CEACAM6: variants seen among roughly 807,000 people sequenced by gnomAD.
CEACAM6 encodes the protein CEA cell adhesion molecule 6, also known as cell adhesion molecule CEACAM6.
CEACAM6 carries 21 observed loss-of-function variants against 32.4 expected under a neutral mutation model. That is an observed-to-expected ratio of 0.65 (90% confidence interval 0.46 to 0.93). CEACAM6 has a LOEUF of 0.93. Among genes scored for constraint, CEACAM6 ranks in the 40% least tolerant of loss-of-function variants. CEACAM6 has a pLI of 0.00. For synonymous variants in CEACAM6, 184 were observed against 174.4 expected (o/e 1.06, Z -0.43); for missense variants, 406 against 432.2 (o/e 0.94, Z 0.54).
Position 41,772,111 on chromosome 19 carries a change from CTTGTA to C in CEACAM6, c.*1359_*1363del, listed in dbSNP as rs1356474624. ...TTCCAATTTGACAAAACCCACTGTT[CTTGTA>C]TTGTATTGCCCAGGGGGAGCTATCA... On this transcript the variant is annotated 3_prime_UTR_variant, in exon 6 of 6. Coordinates refer to ENST00000199764, the MANE Select transcript of CEACAM6 (RefSeq NM_002483.7). 6.6e-6 allele frequency: 1 copy of C among 152,292 alleles called. No individual in the cohort carries two copies. The highest frequency in any genetic ancestry group is 1.9e-4 in the East Asian group (1 of 5,192). 9.4% of individuals were successfully genotyped at this position (152,292 alleles called of 1,614,324 possible). A position where few individuals can be genotyped will look rare whatever the true frequency, so the allele number is the denominator to read the frequency against.
chr19:41,768,175 A>G (rs922523226), intron 5 of CEACAM6, among the ~76,000 whole-genome samples: 11 of 152,176 alleles, frequency 7.2e-5, no homozygotes, highest in African/African-American at 2.7e-4. Flanking sequence ...AGGGAAGGTC[A>G]GCAGATAAAC....
chr19:41,756,622 C>T lies in CEACAM6; in HGVS notation c.87C>T (p.Asn29=). The T allele has an allele frequency of 6.2e-7, 1 of 1,613,978 alleles. No homozygotes were observed. Among genetic ancestry groups the T allele is most frequent in the Non-Finnish European group, 8.5e-7 (1 of 1,179,910 alleles). Residue 29 remains asparagine (N), a synonymous_variant, in exon 2 of 6, where the codon AAC becomes AAT. Coordinates refer to ENST00000199764, the MANE Select transcript of CEACAM6 (RefSeq NM_002483.7). The stretch of plus-strand genomic sequence containing the variant: ...TAGCCTCACTTCTAACCTTCTGGAA[C>T]CCACCCACCACTGCCAAGCTCACTA... ...LLTASLLTFW[N]PPTTAKLTIE...
chr19:41,761,386 A>G lies in CEACAM6; in HGVS notation c.562A>G (p.Ser188Gly). ...WWVNGQSLPV[S>G]PRLQLSNGNM... The stretch of plus-strand genomic sequence containing the variant: ...GGTAAATGGTCAGAGCCTCCCGGTC[A>G]GTCCCAGGCTGCAGCTGTCCAATGG... The change falls in exon 3 of 6, where the codon AGT (serine) becomes GGT (glycine). Residue 188 changes from serine to glycine, a missense_variant. By Grantham distance (56) the Ser-to-Gly change is moderately conservative. Transcript: ENST00000199764. 1.2e-6 allele frequency: 2 copies of G among 1,614,234 alleles called. No individual in the cohort carries two copies. The highest frequency in any genetic ancestry group is 1.7e-6 in the Non-Finnish European group (2 of 1,180,040).
chr19:41,770,946 C>T lies in CEACAM6; in HGVS notation c.*185C>T, dbSNP rs575535564. ...AAAATTTAAAGGGAAAACCCTCAGG[C>T]CTGAGGTGTGTGCCACTCAGAGACT... On this transcript the variant is annotated 3_prime_UTR_variant, in exon 6 of 6. Coordinates refer to ENST00000199764, the MANE Select transcript of CEACAM6 (RefSeq NM_002483.7). The T allele has an allele frequency of 6.6e-6, 1 of 152,470 alleles. No individual in the cohort carries two copies. Among genetic ancestry groups the T allele is most frequent in the East Asian group, 1.9e-4 (1 of 5,186 alleles). The allele number at this position is 152,470 out of a possible 1,614,324, so 9.4% of individuals were successfully genotyped here. A position where few individuals can be genotyped will look rare whatever the true frequency, so the allele number is the denominator to read the frequency against.
chr19:41,756,541 G>A (rs2072886630), intron 1 of CEACAM6, 59 bp from the exon 2 acceptor site: 2 of 1,565,152 alleles, frequency 1.3e-6, no homozygotes, highest in Non-Finnish European at 1.7e-6. Flanking sequence ...CCAGGGCCCT[G>A]TTTTTCCACC....
intron 1 of CEACAM6, 23 bp from the exon 2 acceptor site, chr19:41,756,577 C>G (rs782300138): frequency 1.9e-6 from 3 of 1,604,998 alleles, no homozygotes. Context: ...CAATATTGAC[C>G]GATGCTCTCT....
intron 5 of CEACAM6, among the ~76,000 whole-genome samples, chr19:41,768,227 C>T (rs2072967862): frequency 6.6e-6 from 1 of 152,126 alleles, no homozygotes; most frequent in South Asian, 2.1e-4. Flanking sequence ...TCTGGTTTTC[C>T]TAGGCAGAGG....
At chr19:41,759,113 G>A (rs1369827862) in intron 2 of CEACAM6, among the ~76,000 whole-genome samples, 1 of 152,234 alleles carries the variant, frequency 6.6e-6, no homozygotes, top group East Asian at 1.9e-4. Context: ...TCATCTTGGT[G>A]TGAGGCTCAC....
At chr19:41,768,350 T>C (rs377225765) in intron 5 of CEACAM6, among the ~76,000 whole-genome samples, 4 of 152,194 alleles carry the variant, frequency 2.6e-5, no homozygotes, top group Non-Finnish European at 4.4e-5. Context: ...GCACATCTTG[T>C]ACCGCCCTTA....
chr19:41,756,453 G>GACACACACAC (rs4060857), intron 1 of CEACAM6, 147 bp from the exon 2 acceptor site: 1,345 of 920,604 alleles, frequency 1.5e-3, no homozygotes, highest in Non-Finnish European at 1.7e-3. Flanking sequence ...GACTCAGTAG[G>GACACACACAC]ACACACACAC....
Position 41,761,463 on chromosome 19 carries a change from T to C in CEACAM6, c.639T>C (p.Tyr213=). The C allele has an allele frequency of 1.2e-6, 2 of 1,614,198 alleles. No homozygotes were observed. The highest frequency in any genetic ancestry group is 2.2e-5 in the South Asian group (2 of 91,078). ...TCAAAAGGAACGATGCAGGATCCTATGAATGTGAAATACAGAACCCAGCGA... is the reference window on the plus strand; with the variant it reads ...TCAAAAGGAACGATGCAGGATCCTACGAATGTGAAATACAGAACCCAGCGA... The part of the protein sequence containing the change: ...LSVKRNDAGS[Y]ECEIQNPASA... The change falls in exon 3 of 6, where the codon TAT becomes TAC. Residue 213 remains tyrosine, a synonymous_variant. Transcript: ENST00000199764.
chr19:41,766,327 T>C (rs2072955932), intron 5 of CEACAM6, 28 bp downstream of exon 5: 4 of 1,226,482 alleles, frequency 3.3e-6, no homozygotes, highest in Admixed American at 2.2e-5. Flanking sequence ...CTTGCCATGT[T>C]TCCTGCAGGG....
Position 41,761,248 on chromosome 19 carries a change from G to A in CEACAM6, c.425-1G>A, listed in dbSNP as rs781845947. On this transcript the variant is annotated splice_acceptor_variant, in intron 2 of 5. Transcript: ENST00000199764. LOFTEE classifies it high-confidence loss of function. Reference sequence around the variant, plus strand: ...CAATCTTCTCTCTGTTTTCTGCACAGCGGAGCTGCCCAAGCCCTCCATCTC... The same window carrying A: ...CAATCTTCTCTCTGTTTTCTGCACAACGGAGCTGCCCAAGCCCTCCATCTC... 1.2e-6 allele frequency: 2 copies of A among 1,614,076 alleles called. No individual in the cohort carries two copies. The highest frequency in any genetic ancestry group is 1.1e-5 in the South Asian group (1 of 91,078).
At position 41,756,730 on chromosome 19, in the gene CEACAM6, C is replaced by T. The variant is rs189149376; in HGVS notation, c.195C>T (p.Tyr65=). 2 of 1,614,104 alleles carry T rather than the reference C, an allele frequency of 1.2e-6. No individual in the cohort carries two copies. The highest frequency in any genetic ancestry group is 1.1e-5 in the South Asian group (1 of 91,074). Reference sequence around the variant, plus strand: ...ACCTGCCCCAGAATCGTATTGGTTACAGCTGGTACAAAGGCGAAAGAGTGG... The same window carrying T: ...ACCTGCCCCAGAATCGTATTGGTTATAGCTGGTACAAAGGCGAAAGAGTGG... ...AHNLPQNRIG[Y]SWYKGERVDG... Residue 65 remains tyrosine (Y), a synonymous_variant, in exon 2 of 6, where the codon TAC becomes TAT. Coordinates refer to ENST00000199764, the MANE Select transcript of CEACAM6 (RefSeq NM_002483.7).
At chr19:41,764,441 C>T (rs890387510) in intron 4 of CEACAM6, among the ~76,000 whole-genome samples, 2 of 151,800 alleles carry the variant, frequency 1.3e-5, no homozygotes, top group African/African-American at 2.4e-5. Context: ...CATATGCCAT[C>T]ATGCCTGGCT....
rs559236421 is a variant in CEACAM6 at position 41,771,913 on chromosome 19, G to C, written c.*1152G>C. Reference sequence around the variant, plus strand: ...AACTGAAATGTTAAGGAAGAAGATAGATCCAATTAAAAAAAATTAAAACCA... The same window carrying C: ...AACTGAAATGTTAAGGAAGAAGATACATCCAATTAAAAAAAATTAAAACCA... On this transcript the variant is annotated 3_prime_UTR_variant, in exon 6 of 6. Coordinates refer to ENST00000199764, the MANE Select transcript of CEACAM6 (RefSeq NM_002483.7). 1 of 151,446 alleles carries C rather than the reference G, an allele frequency of 6.6e-6. No homozygotes were observed. The highest frequency in any genetic ancestry group is 1.5e-5 in the Non-Finnish European group (1 of 67,886). 9.4% of individuals were successfully genotyped at this position (151,446 alleles called of 1,614,324 possible). A position where few individuals can be genotyped will look rare whatever the true frequency, so the allele number is the denominator to read the frequency against.
intron 2 of CEACAM6, among the ~76,000 whole-genome samples, chr19:41,758,433 G>A (rs782790814): frequency 2.6e-5 from 4 of 152,176 alleles, no homozygotes; most frequent in Non-Finnish European, 4.4e-5. Context: ...ATCCTATGAG[G>A]TTCTGGCCAC....
chr19:41,770,970 C>A lies in CEACAM6; in HGVS notation c.*209C>A, dbSNP rs2072990706. ...GCCTGAGGTGTGTGCCACTCAGAGA[C>A]TTCACCTAACTAGAGACAGTCAAAC... is the stretch of plus-strand genomic sequence containing the variant. On this transcript the variant is annotated 3_prime_UTR_variant, in exon 6 of 6. Coordinates refer to ENST00000199764, the MANE Select transcript of CEACAM6 (RefSeq NM_002483.7). 1 of 152,290 alleles carries A rather than the reference C, an allele frequency of 6.6e-6. No individual in the cohort carries two copies. Among genetic ancestry groups the A allele is most frequent in the Non-Finnish European group, 1.5e-5 (1 of 68,074 alleles). 9.4% of individuals were successfully genotyped at this position (152,290 alleles called of 1,614,324 possible). A position where few individuals can be genotyped will look rare whatever the true frequency, so the allele number is the denominator to read the frequency against.
At chr19:41,768,879 T>G (rs1351525258) in intron 5 of CEACAM6, among the ~76,000 whole-genome samples, 3 of 152,250 alleles carry the variant, frequency 2.0e-5, no homozygotes, top group African/African-American at 7.2e-5. Flanking sequence ...ACCATACTCA[T>G]TTTCAATCTT....
Sources: allele counts gnomAD v4.1 joint callset (sites outside exome capture counted in the v4.1 genomes callset), GRCh38; gene constraint gnomAD v4.1.1; transcripts MANE v1.5; gene names NCBI Gene and HGNC (gene_info 2026-07-23, HGNC 2026-07-21).